Variants in TVP23A observed in about 807,000 individuals in gnomAD.
The protein encoded by TVP23A is Golgi apparatus membrane protein TVP23 homolog A.
Under a neutral mutation model 31.7 loss-of-function variants are expected in TVP23A, and 21 were observed. The observed-to-expected ratio is 0.66, with a 90% CI of 0.47 to 0.95. The LOEUF is 0.95. TVP23A is among the 40% of genes least tolerant of loss of function. The pLI, the probability that TVP23A is intolerant of heterozygous loss-of-function variation, is 0.00. For synonymous variants in TVP23A, 104 were observed against 96.0 expected, an observed-to-expected ratio of 1.08 and a Z score of -0.49; for missense variants, 279 against 255.6, an observed-to-expected ratio of 1.09 and a Z score of -0.62.
intron 2 of TVP23A, among the ~76,000 whole-genome samples, chr16:10,793,405 G>GC (rs2033212927): frequency 6.6e-6 from 1 of 152,136 alleles, no homozygotes; most frequent in East Asian, 1.9e-4. Context: ...CCCAGGCTGG[G>GC]CCCTGTGTGT....
intron 2 of TVP23A, among the ~76,000 whole-genome samples, chr16:10,780,250 C>A (rs1030655215): frequency 2.0e-5 from 3 of 152,148 alleles, no homozygotes; most frequent in African/African-American, 7.2e-5. Context: ...GGTGATTACC[C>A]TTATCTTGTC....
intron 5 of TVP23A, among the ~76,000 whole-genome samples, chr16:10,772,514 C>T (rs1441765519): frequency 1.3e-5 from 2 of 152,054 alleles, no homozygotes; most frequent in African/African-American, 2.4e-5. Flanking sequence ...AGATTACAGG[C>T]GTGTGCCACT....
intron 2 of TVP23A, among the ~76,000 whole-genome samples, chr16:10,806,664 G>C (rs2033960560): frequency 6.6e-6 from 1 of 152,054 alleles, no homozygotes; most frequent in South Asian, 2.1e-4. Flanking sequence ...ATCACGTCCA[G>C]CTGATTTTTT....
At chr16:10,780,857 C>T (rs1451432572) in intron 2 of TVP23A, among the ~76,000 whole-genome samples, 3 of 152,092 alleles carry the variant, frequency 2.0e-5, no homozygotes, top group Admixed American at 2.0e-4. Flanking sequence ...TGTGAAATTC[C>T]CCCTCTGACC....
downstream of TVP23A, among the ~76,000 whole-genome samples, chr16:10,762,602 G>A (rs978571990): frequency 3.9e-5 from 6 of 152,332 alleles, no homozygotes; most frequent in African/African-American, 1.4e-4. Flanking sequence ...CCTGCGGGGC[G>A]TCCAGCACTC....
intron 2 of TVP23A, among the ~76,000 whole-genome samples, chr16:10,813,073 G>C (rs1394924693): frequency 6.6e-6 from 1 of 152,188 alleles, no homozygotes; most frequent in Non-Finnish European, 1.5e-5. Context: ...GCACCTCACT[G>C]ACCTGGAACC....
chr16:10,811,593 AAC>A (rs372503368), intron 2 of TVP23A, among the ~76,000 whole-genome samples: 8 of 150,872 alleles, frequency 5.3e-5, no homozygotes, highest in South Asian at 2.1e-4. Context: ...TATTAAATTA[AAC>A]ACACACACAC....
chr16:10,803,032 C>A (rs962517469), intron 2 of TVP23A, among the ~76,000 whole-genome samples: 1 of 152,060 alleles, frequency 6.6e-6, no homozygotes, highest in Non-Finnish European at 1.5e-5. Context: ...GCCTGTAATC[C>A]CAGCACTTTG....
intron 2 of TVP23A, among the ~76,000 whole-genome samples, chr16:10,784,181 A>T (rs2032594781): frequency 6.6e-6 from 1 of 151,886 alleles, no homozygotes; most frequent in Non-Finnish European, 1.5e-5. Context: ...TAAAAATACA[A>T]ACATTAGCCA....
In TVP23A at chr16:10,779,816, G is replaced by A. The variant is rs562789122; in HGVS notation, c.90-4720C>T. ...CTAAAATAAGTGATTGGCCGGGGGCGGTGGCTCACGCCTGTAATCCCCAGC... is the reference window on the plus strand; with the variant it reads ...CTAAAATAAGTGATTGGCCGGGGGCAGTGGCTCACGCCTGTAATCCCCAGC... On this transcript the variant is annotated intron_variant, in intron 2 of 7. Coordinates refer to ENST00000299866, the MANE Select transcript of TVP23A (RefSeq NM_001079512.4). This position sits in a 1 kb window ranked among gnomAD's most constrained non-coding sequence, Gnocchi z 4.9. 1.1e-3 allele frequency among the ~76,000 whole-genome samples: 167 copies of A among 152,314 alleles called. No individual in the cohort carries two copies. The highest frequency in any genetic ancestry group is 5.0e-3 in the Admixed American group (76 of 15,294).
At chr16:10,766,046 G>C (rs1482147659), downstream of TVP23A, 2 of 152,368 alleles carry the variant, frequency 1.3e-5, no homozygotes, top group Admixed American at 1.3e-4. The surrounding 1 kb of genome is among the most constrained non-coding windows in gnomAD (Gnocchi z 4.8). Flanking sequence ...ACCTTCCTAG[G>C]AACAGACAGG....
At position 10,800,592 on chromosome 16, in the gene TVP23A, C is replaced by A. The variant is rs533253858; in HGVS notation, c.89+17511G>T. 1.2e-4 allele frequency among the ~76,000 whole-genome samples: 19 copies of A among 152,304 alleles called. No homozygotes were observed. The South Asian group carries it at 3.7e-3, about 30-fold the overall frequency. ...GGAGAATTGAGTGGTCATATTAACT[C>A]CTTCAGCAAATACTGAATCACTACT... is the stretch of plus-strand genomic sequence containing the variant. On this transcript the variant is annotated intron_variant, in intron 2 of 7. Coordinates refer to ENST00000299866, the MANE Select transcript of TVP23A (RefSeq NM_001079512.4).
intron 2 of TVP23A, among the ~76,000 whole-genome samples, chr16:10,778,660 G>A (rs1303535379): frequency 3.6e-5 from 5 of 138,192 alleles, no homozygotes; most frequent in African/African-American, 1.5e-4. Context: ...CAATACAAAT[G>A]TAAAAAAAAA....
chr16:10,815,500 CA>C (rs1171367081), intron 2 of TVP23A, among the ~76,000 whole-genome samples: 1 of 152,330 alleles, frequency 6.6e-6, no homozygotes, highest in Middle Eastern at 3.4e-3. Context: ...CAGTGGTTTT[CA>C]ACCGGGGGCA....
chr16:10,775,875 A>G (rs1285478773), intron 2 of TVP23A, among the ~76,000 whole-genome samples: 1 of 148,594 alleles, frequency 6.7e-6, no homozygotes, highest in African/African-American at 2.5e-5. Context: ...CAGCCTCCCA[A>G]GTAGCTGAGA....
chr16:10,775,656 C>G (rs2031957589), intron 2 of TVP23A: 1 of 598,804 alleles, frequency 1.7e-6, no homozygotes, highest in South Asian at 7.3e-5. Flanking sequence ...GAAGGTGGTT[C>G]TTGTTCACTG....
chr16:10,771,377 CAA>C (rs76284004), intron 6 of TVP23A, among the ~76,000 whole-genome samples: 1 of 144,340 alleles, frequency 6.9e-6, no homozygotes, highest in South Asian at 2.2e-4. Flanking sequence ...TTCGTCTCTA[CAA>C]AAAAAAAAGG....
At chr16:10,761,387 G>C in exon 9 of TVP23A, 4 of 1,614,096 alleles carry the variant, frequency 2.5e-6, no homozygotes, top group Non-Finnish European at 3.4e-6. Context: ...AGGATGTCCG[G>C]AAAGAAATCA....
Position 10,767,913 on chromosome 16 carries a change from T to C in TVP23A, c.*1189A>G. On this transcript the variant is annotated 3_prime_UTR_variant, in exon 8 of 8. Transcript: ENST00000299866. This position sits in a 1 kb window ranked among gnomAD's most constrained non-coding sequence, Gnocchi z 4.6. ...TCTTGTGGCCATTCTGTTTTCCTCT[T>C]GGACTGAATTGTCTTCCGTTTGTTT... 1 of 1,598,382 alleles carries C rather than the reference T, an allele frequency of 6.3e-7. No individual in the cohort carries two copies. Among genetic ancestry groups the C allele is most frequent in the Non-Finnish European group, 8.6e-7 (1 of 1,165,810 alleles).
Sources: gnomAD v4.1 joint callset for allele counts (sites outside exome capture counted in the v4.1 genomes callset) on GRCh38, gnomAD v4.1.1 for gene constraint, Gnocchi (gnomAD v3.1) non-coding constraint, MANE v1.5 for transcripts, NCBI Gene and HGNC (gene_info 2026-07-23, HGNC 2026-07-21) for gene names.